Variants in TMEM131 observed in about 807,000 individuals in gnomAD.
TMEM131 encodes 2610524E03Rik.
TMEM131 carries 66 observed loss-of-function variants against 211.6 expected under a neutral mutation model. That is an observed-to-expected ratio of 0.31 (90% confidence interval 0.26 to 0.38). TMEM131 has a LOEUF of 0.38. Ranked by LOEUF, TMEM131 falls within the 10% of genes least tolerant of loss-of-function variation. TMEM131 has a pLI of 1.00. For synonymous variants in TMEM131, 844 were observed against 841.3 expected (o/e 1.00, Z -0.06); for missense variants, 2,036 against 2,299.3 (o/e 0.89, Z 2.34).
At chr2:97,789,805 A>G (rs1353908209) in intron 31 of TMEM131, among the ~76,000 whole-genome samples, 1 of 152,196 alleles carries the variant, frequency 6.6e-6, no homozygotes, top group Non-Finnish European at 1.5e-5. Context: ...AAACCAAAGA[A>G]GTACAGAATC....
chr2:97,992,021 CT>C lies in TMEM131; in HGVS notation c.187+3454del, dbSNP rs541955915. ...CTCCAATGCTCCATCAGGCAACAGC[CT>C]TTAGTAAAAGCAGGCTACAAACGTT... is the stretch of plus-strand genomic sequence containing the variant. On this transcript the variant is annotated intron_variant, in intron 1 of 40. Coordinates refer to ENST00000186436, the MANE Select transcript of TMEM131 (RefSeq NM_015348.2). 3.9e-5 allele frequency among the ~76,000 whole-genome samples: 6 copies of C among 152,282 alleles called. No homozygotes were observed. In the East Asian group the frequency reaches 9.7e-4, roughly 25 times the overall value.
chr2:97,774,596 A>G (rs1254227184), intron 32 of TMEM131, among the ~76,000 whole-genome samples: 1 of 152,204 alleles, frequency 6.6e-6, no homozygotes, highest in African/African-American at 2.4e-5. Context: ...GGAGGGAATG[A>G]ACAGGGAGCT....
intron 1 of TMEM131, among the ~76,000 whole-genome samples, chr2:97,934,217 T>C (rs1299148975): frequency 1.3e-5 from 2 of 152,158 alleles, no homozygotes; most frequent in Non-Finnish European, 2.9e-5. Context: ...CATTTCTATA[T>C]ACTAACAATG....
intron 1 of TMEM131, among the ~76,000 whole-genome samples, chr2:97,965,934 A>G (rs1026367150): frequency 2.6e-5 from 4 of 152,078 alleles, no homozygotes; most frequent in Admixed American, 1.3e-4. Flanking sequence ...TGCTAGAGCT[A>G]AAAATTTGAG....
chr2:97,881,723 A>AGGGGGG (rs59488414), intron 4 of TMEM131, among the ~76,000 whole-genome samples: 7 of 65,542 alleles, frequency 1.1e-4, no homozygotes, highest in Non-Finnish European at 1.8e-4. Context: ...AAAAAAAAAA[A>AGGGGGG]GGGGGGGGGG....
At chr2:97,895,376 G>T (rs1381317545) in intron 3 of TMEM131, among the ~76,000 whole-genome samples, 1 of 152,100 alleles carries the variant, frequency 6.6e-6, no homozygotes, top group Non-Finnish European at 1.5e-5. Flanking sequence ...GACGATGTTG[G>T]CCTCATAAAA....
chr2:97,942,053 G>A (rs183490655), intron 1 of TMEM131, among the ~76,000 whole-genome samples: 2 of 151,980 alleles, frequency 1.3e-5, no homozygotes, highest in Non-Finnish European at 2.9e-5. Flanking sequence ...CTATTCACAA[G>A]AGCAAAGACT....
chr2:97,819,837 C>A (rs1464595924), intron 11 of TMEM131, among the ~76,000 whole-genome samples: 1 of 152,186 alleles, frequency 6.6e-6, no homozygotes, highest in African/African-American at 2.4e-5. Context: ...TATGTTCTTC[C>A]CCCTGGATCC....
At chr2:97,846,582 TCCTGCAGCCCATGGGCTG>T (rs1435700001) in intron 5 of TMEM131, among the ~76,000 whole-genome samples, 19 of 152,154 alleles carry the variant, frequency 1.2e-4, no homozygotes, top group Admixed American at 1.2e-3. Context: ...AGCTTGTCCA[TCCTGCAGCCCATGGGCTG>T]CATGCAGCCC....
At chr2:97,983,465 C>G (rs1679888687) in intron 1 of TMEM131, among the ~76,000 whole-genome samples, 1 of 152,190 alleles carries the variant, frequency 6.6e-6, no homozygotes, top group Non-Finnish European at 1.5e-5. Context: ...CTAGGCGCCA[C>G]TAAGGGCTGC....
chr2:97,801,871 A>G, intron 25 of TMEM131, 24 bp downstream of exon 25: 1 of 1,495,692 alleles, frequency 6.7e-7, no homozygotes, highest in Non-Finnish European at 9.1e-7. Context: ...TTTCTTTGGA[A>G]TAGTATGAAG....
chr2:97,829,923 TG>T (rs1682583101), intron 11 of TMEM131, among the ~76,000 whole-genome samples: 1 of 152,126 alleles, frequency 6.6e-6, no homozygotes, highest in African/African-American at 2.4e-5. Flanking sequence ...CAAGGATGTT[TG>T]TTAAAATATA....
intron 35 of TMEM131, chr2:97,764,331 TG>T: frequency 6.6e-6 from 1 of 152,606 alleles, no homozygotes; most frequent in Non-Finnish European, 1.5e-5. Context: ...ATGAGAAAGC[TG>T]GGGCAGAGCA....
At chr2:97,807,019 G>C (rs1681338814) in intron 19 of TMEM131, among the ~76,000 whole-genome samples, 1 of 152,118 alleles carries the variant, frequency 6.6e-6, no homozygotes, top group Non-Finnish European at 1.5e-5. Context: ...GGGTGTGGGG[G>C]ATCAAAAGAG....
intron 2 of TMEM131, among the ~76,000 whole-genome samples, chr2:97,923,722 T>G (rs1311389747): frequency 6.6e-6 from 1 of 151,764 alleles, no homozygotes. Context: ...TTTAAAATTC[T>G]ATTTATTATT....
At chr2:97,799,910 G>T (rs973409474) in intron 25 of TMEM131, among the ~76,000 whole-genome samples, 1 of 152,034 alleles carries the variant, frequency 6.6e-6, no homozygotes, top group Non-Finnish European at 1.5e-5. Flanking sequence ...GAATCTACCT[G>T]TCTATTAAGT....
chr2:97,855,528 C>T (rs1465083871), intron 5 of TMEM131, among the ~76,000 whole-genome samples: 1 of 152,054 alleles, frequency 6.6e-6, no homozygotes. Context: ...GGCAAAACTC[C>T]ATCTCTACCA....
intron 11 of TMEM131, among the ~76,000 whole-genome samples, chr2:97,821,100 T>G (rs1256576108): frequency 6.6e-6 from 1 of 152,146 alleles, no homozygotes; most frequent in Non-Finnish European, 1.5e-5. Flanking sequence ...AATTCAGAGG[T>G]GAAGTCAGCT....
chr2:97,883,047 C>T (rs1675001203), intron 4 of TMEM131, among the ~76,000 whole-genome samples: 1 of 152,100 alleles, frequency 6.6e-6, no homozygotes, highest in South Asian at 2.1e-4. Flanking sequence ...TCACAGGTGA[C>T]ACCTTCTAGC....
Sources: gnomAD v4.1 joint callset for allele counts (sites outside exome capture counted in the v4.1 genomes callset) on GRCh38, gnomAD v4.1.1 for gene constraint, MANE v1.5 for transcripts, NCBI Gene and HGNC (gene_info 2026-07-23, HGNC 2026-07-21) for gene names.